CD58: variants seen among roughly 807,000 people sequenced by gnomAD.
CD58 encodes the protein lymphocyte function-associated antigen 3.
A neutral mutation model predicts 27.6 loss-of-function variants in CD58; 14 were observed. The observed-to-expected ratio is 0.51, with a 90% confidence interval of 0.34 to 0.79. The LOEUF (loss-of-function observed/expected upper bound fraction) is 0.79. Ranked by LOEUF, CD58 falls within the 30% of genes least tolerant of loss-of-function variation. CD58 has a pLI of 0.02. For synonymous variants in CD58, 117 were observed against 103.8 expected (o/e 1.13, Z -0.77); for missense variants, 268 against 301.7 (o/e 0.89, Z 0.83).
chr1:116,528,676 C>G lies in CD58; in HGVS notation c.629-6693G>C, dbSNP rs1183651431. Among the ~76,000 whole-genome samples the G allele has an allele frequency of 6.6e-6, 1 of 152,178 alleles. No homozygotes were observed. The highest frequency in any genetic ancestry group is 1.9e-4 in the East Asian group (1 of 5,196). ...GTGTTACAATCATCCTACTTCTTCC[C>G]AGCAGTTATCTAAAAGAGAATGGTG... On this transcript the variant is annotated intron_variant, in intron 3 of 5. Coordinates refer to ENST00000369489, the MANE Select transcript of CD58 (RefSeq NM_001779.3). This position sits in a 1 kb window ranked among gnomAD's most constrained non-coding sequence, Gnocchi z 4.4.
rs1657988139 is a variant in CD58 at position 116,541,555 on chromosome 1, A to T, written c.364+2756T>A. 6.6e-6 allele frequency among the ~76,000 whole-genome samples: 1 copy of T among 152,240 alleles called. No homozygotes were observed. The highest frequency in any genetic ancestry group is 2.4e-5 in the African/African-American group (1 of 41,464). On this transcript the variant is annotated intron_variant, in intron 2 of 5. Coordinates refer to ENST00000369489, the MANE Select transcript of CD58 (RefSeq NM_001779.3). The surrounding 1 kb of genome is among the most constrained non-coding windows in gnomAD (Gnocchi z 5.3). ...GGTAGAGTGAATGTGGTATTCAAGA[A>T]AAAGAGAGGTATCAAGGATGACATC...
chr1:116,553,652 G>T (rs1167374130), intron 1 of CD58, among the ~76,000 whole-genome samples: 1 of 152,160 alleles, frequency 6.6e-6, no homozygotes, highest in East Asian at 1.9e-4. Flanking sequence ...TTCAGTGTGA[G>T]GGGTCTGTGA....
chr1:116,546,914 C>T lies in CD58; in HGVS notation c.71-2310G>A, dbSNP rs978113529. On this transcript the variant is annotated intron_variant, in intron 1 of 5. Coordinates refer to ENST00000369489, the MANE Select transcript of CD58 (RefSeq NM_001779.3). This position sits in a 1 kb window ranked among gnomAD's most constrained non-coding sequence, Gnocchi z 4.1. ...CCTCCTCCCACTTAGCCTGCTTTAA[C>T]GTGAAGATAATGAGGATGAAGACCT... 6.6e-6 allele frequency among the ~76,000 whole-genome samples: 1 copy of T among 152,118 alleles called. No homozygotes were observed. The highest frequency in any genetic ancestry group is 2.4e-5 in the African/African-American group (1 of 41,414).
At chr1:116,561,091 T>A (rs1208626556) in intron 1 of CD58, among the ~76,000 whole-genome samples, 3 of 152,212 alleles carry the variant, frequency 2.0e-5, no homozygotes, top group Non-Finnish European at 4.4e-5. Context: ...AGTTTCTACT[T>A]TTAAACAGAG....
At chr1:116,566,558 C>A (rs556578610) in intron 1 of CD58, among the ~76,000 whole-genome samples, 2 of 152,296 alleles carry the variant, frequency 1.3e-5, no homozygotes, top group Admixed American at 6.5e-5. Context: ...AAGGCTGAGG[C>A]AGGAACACTA....
intron 4 of CD58, among the ~76,000 whole-genome samples, chr1:116,520,421 GT>G (rs958418849): frequency 0.033 from 4,556 of 136,678 alleles, 224 homozygotes; most frequent in African/African-American, 0.11. Flanking sequence ...CCTCCAAATT[GT>G]TTTTTTTTTT....
intron 5 of CD58, among the ~76,000 whole-genome samples, chr1:116,518,356 TC>T (rs1361133205): frequency 6.6e-6 from 1 of 151,942 alleles, no homozygotes; most frequent in Non-Finnish European, 1.5e-5. Flanking sequence ...ATTTCATTAC[TC>T]CACTAACCAG....
rs1175202897 is a variant in CD58 at position 116,536,219 on chromosome 1, G to A, written c.374C>T (p.Pro125Leu). ...CAATGCACAAGTTAGTGTGGGAGAT[G>A]GAAGAGACTCTGGAAAAAAAAGTAT... Reference protein sequence around the residue: ...KFFLYVLESLPSPTLTCALTN... With the variant: ...KFFLYVLESLLSPTLTCALTN... The change falls in exon 3 of 6, where the codon CCA becomes CTA. Residue 125 changes from proline to leucine, a missense_variant. Coordinates refer to ENST00000369489, the MANE Select transcript of CD58 (RefSeq NM_001779.3). The surrounding 1 kb of genome is among the most constrained non-coding windows in gnomAD (Gnocchi z 5.4). 4 of 1,605,170 alleles carry A rather than the reference G, an allele frequency of 2.5e-6. No individual in the cohort carries two copies. Among genetic ancestry groups the A allele is most frequent in the Admixed American group, 1.7e-5 (1 of 59,668 alleles).
At position 116,527,834 on chromosome 1, in the gene CD58, G is replaced by A. The variant is rs1360271952; in HGVS notation, c.629-5851C>T. On this transcript the variant is annotated intron_variant, in intron 3 of 5. Transcript: ENST00000369489. The surrounding 1 kb of genome is among the most constrained non-coding windows in gnomAD (Gnocchi z 4.4). ...CTGTTTTGGAAGATTATTAATTACT[G>A]ATCTGATTTATTTAAACTGCCAGGC... Among the ~76,000 whole-genome samples the A allele has an allele frequency of 1.3e-5, 2 of 152,132 alleles. No homozygotes were observed. The highest frequency in any genetic ancestry group is 1.3e-4 in the Admixed American group (2 of 15,282).
At chr1:116,567,558 A>G (rs1427317167) in intron 1 of CD58, among the ~76,000 whole-genome samples, 1 of 152,128 alleles carries the variant, frequency 6.6e-6, no homozygotes, top group Non-Finnish European at 1.5e-5. Flanking sequence ...GAATTGCTTG[A>G]GCCTCAGAGG....
At position 116,538,386 on chromosome 1, in the gene CD58, T is replaced by C. The variant is rs1657885951; in HGVS notation, c.365-2158A>G. 6.6e-6 allele frequency among the ~76,000 whole-genome samples: 1 copy of C among 152,094 alleles called. No individual in the cohort carries two copies. The highest frequency in any genetic ancestry group is 6.6e-5 in the Admixed American group (1 of 15,266). ...GCCCTCAGGGGACTTCCAAGGAACA[T>C]GCATCCCCAGAATAGTTCAAAAATG... On this transcript the variant is annotated intron_variant, in intron 2 of 5. Transcript: ENST00000369489. This position sits in a 1 kb window ranked among gnomAD's most constrained non-coding sequence, Gnocchi z 4.7.
In CD58 at chr1:116,515,969, C is replaced by T. The variant is rs1657072358; in HGVS notation, c.744-1147G>A. ...AGCTGGGGAAATATTGCATTTGTTC[C>T]TACTTATGCTTGCCCCTTTCTCATC... is the stretch of plus-strand genomic sequence containing the variant. On this transcript the variant is annotated intron_variant, in intron 5 of 5. Transcript: ENST00000369489. This position sits in a 1 kb window ranked among gnomAD's most constrained non-coding sequence, Gnocchi z 4.6. Among the ~76,000 whole-genome samples the T allele has an allele frequency of 6.6e-6, 1 of 152,122 alleles. No homozygotes were observed. The highest frequency in any genetic ancestry group is 1.5e-5 in the Non-Finnish European group (1 of 68,040).
chr1:116,517,565 A>C lies in CD58; in HGVS notation c.743+1666T>G, dbSNP rs1299578924. Among the ~76,000 whole-genome samples, 1 of 152,160 alleles carries C rather than the reference A, an allele frequency of 6.6e-6. No homozygotes were observed. The highest frequency in any genetic ancestry group is 1.5e-5 in the Non-Finnish European group (1 of 68,022). On this transcript the variant is annotated intron_variant, in intron 5 of 5. Coordinates refer to ENST00000369489, the MANE Select transcript of CD58 (RefSeq NM_001779.3). This position sits in a 1 kb window ranked among gnomAD's most constrained non-coding sequence, Gnocchi z 6.5. ...CCGACTCCACAAAACCAAAGGTCTT[A>C]ACCCCTCGCCTACCTCCTTGTCTCT...
intron 1 of CD58, among the ~76,000 whole-genome samples, chr1:116,564,634 TC>T (rs1658872850): frequency 6.6e-6 from 1 of 152,172 alleles, no homozygotes; most frequent in African/African-American, 2.4e-5. Context: ...TGCAGGGGAA[TC>T]CCCATTTATA....
In CD58 at chr1:116,536,277, CTT is replaced by C. The variant is rs1390017257; in HGVS notation, c.365-51_365-50del. On this transcript the variant is annotated intron_variant, in intron 2 of 5. Transcript: ENST00000369489. The surrounding 1 kb of genome is among the most constrained non-coding windows in gnomAD (Gnocchi z 5.4). ...AGTACAGAAAATAGTAATATTTAGA[CTT>C]ATCATCTGCAAATTTATGAAGAGCT... is the stretch of plus-strand genomic sequence containing the variant. 1.8e-5 allele frequency: 25 copies of C among 1,425,712 alleles called. No individual in the cohort carries two copies. Among genetic ancestry groups the C allele is most frequent in the Non-Finnish European group, 2.3e-5 (24 of 1,055,134 alleles). The allele number at this position is 1,425,712 out of a possible 1,614,324, so 88.3% of individuals were successfully genotyped here.
Position 116,548,165 on chromosome 1 carries a change from C to A in CD58, c.71-3561G>T, listed in dbSNP as rs150291207. Among the ~76,000 whole-genome samples, 10 of 152,184 alleles carry A rather than the reference C, an allele frequency of 6.6e-5. No homozygotes were observed. In the East Asian group the frequency reaches 1.7e-3, roughly 26 times the overall value. On this transcript the variant is annotated intron_variant, in intron 1 of 5. Coordinates refer to ENST00000369489, the MANE Select transcript of CD58 (RefSeq NM_001779.3). ...GATGGGATTGTTTGCTTTTTTCTTG[C>A]TGATTTGTTTGACTTCCTTATAGAT...
chr1:116,563,994 C>G lies in CD58; in HGVS notation c.70+6909G>C, dbSNP rs1041015276. Among the ~76,000 whole-genome samples, 1 of 152,138 alleles carries G rather than the reference C, an allele frequency of 6.6e-6. No individual in the cohort carries two copies. ...GCTGCAAATTTTTTGAACTTTTATGCCCTGCTATCCTTTTAAACATAAGTT... is the reference window on the plus strand; with the variant it reads ...GCTGCAAATTTTTTGAACTTTTATGGCCTGCTATCCTTTTAAACATAAGTT... On this transcript the variant is annotated intron_variant, in intron 1 of 5. Transcript: ENST00000369489. This position sits in a 1 kb window ranked among gnomAD's most constrained non-coding sequence, Gnocchi z 4.1.
chr1:116,521,467 A>G lies in CD58; in HGVS notation c.706+439T>C, dbSNP rs1657260207. Among the ~76,000 whole-genome samples the G allele has an allele frequency of 1.3e-5, 2 of 152,244 alleles. No homozygotes were observed. Among genetic ancestry groups the G allele is most frequent in the South Asian group, 2.1e-4 (1 of 4,838 alleles). ...AGAAGGCTCAGGAAGTAATACAAGC[A>G]CAATTACTTGTATTACGTAAGTCAC... On this transcript the variant is annotated intron_variant, in intron 4 of 5. Transcript: ENST00000369489. The surrounding 1 kb of genome is among the most constrained non-coding windows in gnomAD (Gnocchi z 5.6).
Position 116,523,641 on chromosome 1 carries a change from C to T in CD58, c.629-1658G>A, listed in dbSNP as rs910926153. Among the ~76,000 whole-genome samples the T allele has an allele frequency of 3.3e-5, 5 of 152,132 alleles. No homozygotes were observed. The highest frequency in any genetic ancestry group is 9.7e-5 in the African/African-American group (4 of 41,414). ...TTGTATACTTCCCTTAGGTGGCATACGATGCCTGGTTGCTTTTCTTTTCAT... is the reference window on the plus strand; with the variant it reads ...TTGTATACTTCCCTTAGGTGGCATATGATGCCTGGTTGCTTTTCTTTTCAT... On this transcript the variant is annotated intron_variant, in intron 3 of 5. Transcript: ENST00000369489. This position sits in a 1 kb window ranked among gnomAD's most constrained non-coding sequence, Gnocchi z 4.4.
Sources: allele counts gnomAD v4.1 joint callset (sites outside exome capture counted in the v4.1 genomes callset), GRCh38; gene constraint gnomAD v4.1.1; non-coding constraint Gnocchi (gnomAD v3.1); transcripts MANE v1.5; gene names NCBI Gene and HGNC (gene_info 2026-07-23, HGNC 2026-07-21).